ATP11C: variants seen among roughly 807,000 people sequenced by gnomAD.
The protein encoded by ATP11C is phospholipid-transporting ATPase IG.
Under a neutral mutation model 97.4 loss-of-function variants are expected in ATP11C, and 36 were observed. The ratio of observed to expected loss-of-function variants is 0.37; its 90% CI spans 0.28 to 0.49. The LOEUF (loss-of-function observed/expected upper bound fraction) is 0.49, where lower values mean the gene tolerates loss of function less well. Ranked by LOEUF, ATP11C falls within the 20% of genes least tolerant of loss-of-function variation. The pLI, the probability that ATP11C is intolerant of heterozygous loss-of-function variation, is 0.98. For missense variants in ATP11C, 730 were observed against 824.6 expected (o/e 0.89, Z 1.40); for synonymous variants, 275 against 290.9 (o/e 0.95, Z 0.56).
intron 1 of ATP11C, among the ~76,000 whole-genome samples, chrX:139,911,282 T>G (rs776097188): frequency 5.4e-5 from 6 of 111,443 alleles, no homozygotes; most frequent in Admixed American, 1.9e-4. Flanking sequence ...AAAGTTAGTA[T>G]GAGAAAGATA....
At chrX:139,838,096 A>G (rs2083774439) in intron 1 of ATP11C, among the ~76,000 whole-genome samples, 1 of 112,100 alleles carries the variant, frequency 8.9e-6, no homozygotes, top group African/African-American at 3.2e-5. Flanking sequence ...ACATATGTTC[A>G]GAAGGAAGAA....
intron 1 of ATP11C, among the ~76,000 whole-genome samples, chrX:139,920,788 C>A (rs1387693322): frequency 1.8e-5 from 2 of 111,685 alleles, no homozygotes; most frequent in Non-Finnish European, 3.8e-5. Context: ...TCCTGGTGTG[C>A]GTCTGTAAAA....
intron 21 of ATP11C, 103 bp from the exon 22 acceptor site, chrX:139,762,209 T>G: frequency 1.5e-6 from 1 of 671,072 alleles, no homozygotes; most frequent in Non-Finnish European, 2.2e-6. Flanking sequence ...TTCAATTCTA[T>G]CAATTAGTTT....
chrX:139,901,342 A>G (rs757286165), intron 1 of ATP11C, among the ~76,000 whole-genome samples: 65 of 112,229 alleles, frequency 5.8e-4, no homozygotes, highest in Non-Finnish European at 1.1e-3. Context: ...ACCTGGGCCC[A>G]TGAAATGAGT....
intron 1 of ATP11C, among the ~76,000 whole-genome samples, chrX:139,931,601 G>T (rs1224418217): frequency 8.9e-6 from 1 of 112,268 alleles, no homozygotes; most frequent in African/African-American, 3.2e-5. Flanking sequence ...ACCGTGACAG[G>T]TCTAGGTTTA....
chrX:139,918,858 A>C (rs750548092), intron 1 of ATP11C, among the ~76,000 whole-genome samples: 36 of 110,797 alleles, frequency 3.2e-4, no homozygotes, highest in East Asian at 3.1e-3. Context: ...AGTTCTAGAG[A>C]TCTGTTGCAT....
rs753607376 is a variant in ATP11C at position 139,906,817 on chromosome X, C to A, written c.27+25199G>T. ...ACAAAACAAACAACAACAACAACAA[C>A]AAAAATTCATTAAGGCCTTGTATTG... On this transcript the variant is annotated intron_variant, in intron 1 of 29. Transcript: ENST00000682941. 3.2e-3 allele frequency among the ~76,000 whole-genome samples: 355 copies of A among 109,653 alleles called. 1 individual carries two copies. Among genetic ancestry groups the A allele is most frequent in the Non-Finnish European group, 5.0e-3 (265 of 52,489 alleles).
At position 139,774,952 on chromosome X, in the gene ATP11C, G is replaced by A; in HGVS notation, c.1954C>T (p.Leu652=). The A allele has an allele frequency of 8.4e-7, 1 of 1,194,943 alleles. No individual in the cohort carries two copies. The part of the protein sequence containing the change: ...LIGATAVEDK[L]QDQAAETIEA... ...ATGGTCTCTGCAGCTTGATCTTGTAGCCTGGGAACACAAAAGAAACCTTGT... is the reference window on the plus strand; with the variant it reads ...ATGGTCTCTGCAGCTTGATCTTGTAACCTGGGAACACAAAAGAAACCTTGT... Residue 652 remains leucine (L), a splice_region_variant and synonymous_variant, in exon 19 of 30, where the codon CTA becomes TTA. Transcript: ENST00000682941.
intron 1 of ATP11C, among the ~76,000 whole-genome samples, chrX:139,917,538 G>C (rs2085172769): frequency 8.9e-6 from 1 of 111,865 alleles, no homozygotes; most frequent in Admixed American, 9.6e-5. Context: ...AAAGGACTTA[G>C]GTAGACATTT....
At chrX:139,921,273 A>G (rs1229182865) in intron 1 of ATP11C, among the ~76,000 whole-genome samples, 1 of 111,310 alleles carries the variant, frequency 9.0e-6, no homozygotes, top group Non-Finnish European at 1.9e-5. Flanking sequence ...CAAGGGAGAG[A>G]CCAGGTGGAG....
chrX:139,884,543 G>A (rs1053638918), intron 1 of ATP11C, among the ~76,000 whole-genome samples: 1 of 111,602 alleles, frequency 9.0e-6, no homozygotes, highest in African/African-American at 3.3e-5. Context: ...GGCTGGTCTT[G>A]AACTCCTGGC....
At chrX:139,761,924 TA>T (rs751746699) in intron 22 of ATP11C, 36 bp downstream of exon 22, 3 of 1,037,428 alleles carry the variant, frequency 2.9e-6, no homozygotes, top group South Asian at 5.6e-5. Flanking sequence ...AATGCTGGAT[TA>T]AAAAGAAATT....
At chrX:139,766,094 C>T in intron 20 of ATP11C, among the ~76,000 whole-genome samples, 1 of 111,655 alleles carries the variant, frequency 9.0e-6, no homozygotes, top group African/African-American at 3.3e-5. Flanking sequence ...TAATGCCACA[C>T]CCAAGAATAT....
Position 139,816,840 on chromosome X carries a change from G to A in ATP11C, c.318+23C>T, listed in dbSNP as rs755310990. The A allele has an allele frequency of 1.1e-5, 12 of 1,088,303 alleles. No individual in the cohort carries two copies. In the African/African-American group the frequency reaches 1.8e-4, roughly 17 times the overall value. 89.7% of individuals were successfully genotyped at this position (1,088,303 alleles called of 1,213,427 possible). The stretch of plus-strand genomic sequence containing the variant: ...AACAAGCCTGGACTGAAATGCAGGT[G>A]CAAGTGTAAATAAGAAATTTACCTG... On this transcript the variant is annotated intron_variant, in intron 4 of 29. Transcript: ENST00000682941.
chrX:139,934,243 G>A (rs1387972866), upstream of ATP11C, among the ~76,000 whole-genome samples: 1 of 111,569 alleles, frequency 9.0e-6, no homozygotes, highest in South Asian at 3.8e-4. Context: ...TACGAAGTTT[G>A]AACTTCATTC....
chrX:139,920,383 CTGAT>C (rs2085239806), intron 1 of ATP11C, among the ~76,000 whole-genome samples: 2 of 107,499 alleles, frequency 1.9e-5, no homozygotes, highest in Admixed American at 1.0e-4. Context: ...AGTACTGATA[CTGAT>C]ACATGCTACA....
chrX:139,779,034 A>G (rs191323959), intron 18 of ATP11C, among the ~76,000 whole-genome samples: 313 of 112,031 alleles, frequency 2.8e-3, no homozygotes, highest in Non-Finnish European at 3.5e-3. Flanking sequence ...ATTCAACAAG[A>G]TTTAACTAGC....
chrX:139,857,224 C>T (rs2084105103), intron 1 of ATP11C, among the ~76,000 whole-genome samples: 2 of 111,457 alleles, frequency 1.8e-5, no homozygotes, highest in African/African-American at 6.5e-5. Flanking sequence ...TATCCTCCAC[C>T]TTATCCAGAG....
chrX:139,883,687 T>TAC (rs2084595048), intron 1 of ATP11C, among the ~76,000 whole-genome samples: 1 of 111,236 alleles, frequency 9.0e-6, no homozygotes, highest in Admixed American at 9.6e-5. Context: ...TAAAATGATG[T>TAC]ACAAAGTAAG....
Sources: gnomAD v4.1 joint callset for allele counts (sites outside exome capture counted in the v4.1 genomes callset) on GRCh38, gnomAD v4.1.1 for gene constraint, MANE v1.5 for transcripts, NCBI Gene and HGNC (gene_info 2026-07-23, HGNC 2026-07-21) for gene names.